SSUH2: variants seen among roughly 807,000 people sequenced by gnomAD.
The protein encoded by SSUH2 is protein SSUH2 homolog.
A neutral mutation model predicts 55.3 loss-of-function variants in SSUH2; 47 were observed. The ratio of observed to expected loss-of-function variants is 0.85; its 90% CI spans 0.67 to 1.08. SSUH2 has a LOEUF of 1.08. Among genes scored for constraint, SSUH2 ranks in the 50% least tolerant of loss-of-function variants. The probability of loss-of-function intolerance (pLI) is 0.00; values close to 1 mark genes in which losing one functional copy is unlikely to be tolerated. For synonymous variants in SSUH2, 212 were observed against 191.5 expected (o/e 1.11, Z -0.89); for missense variants, 535 against 490.7 (o/e 1.09, Z -0.85).
At chr3:8,628,598 T>C (rs1459551742) in intron 7 of SSUH2, among the ~76,000 whole-genome samples, 1 of 152,198 alleles carries the variant, frequency 6.6e-6, no homozygotes, top group East Asian at 1.9e-4. Context: ...TCCGATGACG[T>C]GTTCTTATTA....
At chr3:8,679,122 AATTGC>A in intron 2 of SSUH2, among the ~76,000 whole-genome samples, 1 of 88,470 alleles carries the variant, frequency 1.1e-5, no homozygotes, top group African/African-American at 3.9e-5. Flanking sequence ...TTAGGACCCA[AATTGC>A]GGGGGGGAGG....
intron 5 of SSUH2, among the ~76,000 whole-genome samples, chr3:8,669,657 T>C (rs1179468371): frequency 6.6e-6 from 1 of 152,188 alleles, no homozygotes; most frequent in East Asian, 1.9e-4. Context: ...GATGTGCCAA[T>C]AGCACATACC....
Position 8,623,455 on chromosome 3 carries a change from G to A in SSUH2, c.981+94C>T, listed in dbSNP as rs567222620. The stretch of plus-strand genomic sequence containing the variant: ...CCCCCGGGACCTCCCTCACCTCTAC[G>A]TCCTCATCCTTCCGCTCCGACGTTC... On this transcript the variant is annotated intron_variant, in intron 11 of 11. Transcript: ENST00000544814. 3.2e-4 allele frequency: 263 copies of A among 816,230 alleles called. 3 individuals are homozygous for A. In the East Asian group the frequency reaches 6.4e-3, roughly 20 times the overall value. The allele number at this position is 816,230 out of a possible 1,614,324, so 50.6% of individuals were successfully genotyped here. A position where few individuals can be genotyped will look rare whatever the true frequency, so the allele number is the denominator to read the frequency against.
chr3:8,662,267 T>C (rs749542335), intron 6 of SSUH2, among the ~76,000 whole-genome samples: 7 of 152,164 alleles, frequency 4.6e-5, no homozygotes, highest in Admixed American at 1.3e-4. Flanking sequence ...CCATGGGGAA[T>C]TGTCCTCTAA....
chr3:8,637,096 AG>A (rs2125221113), intron 1 of SSUH2, among the ~76,000 whole-genome samples: 1 of 152,300 alleles, frequency 6.6e-6, no homozygotes, highest in South Asian at 2.1e-4. Context: ...GTCTTTTCCT[AG>A]GCTAGCAATA....
intron 9 of SSUH2, among the ~76,000 whole-genome samples, chr3:8,626,001 AG>A (rs779063720): frequency 2.8e-4 from 43 of 152,310 alleles, no homozygotes; most frequent in South Asian, 2.3e-3. Context: ...CTGCTGCCCT[AG>A]AAAGTGGTGA....
Position 8,654,957 on chromosome 3 carries a change from C to CG in SSUH2, c.-307+3967_-307+3968insC, listed in dbSNP as rs1391434473. Among the ~76,000 whole-genome samples, 54 of 62,554 alleles carry CG rather than the reference C, an allele frequency of 8.6e-4. 1 individual carries two copies. Among genetic ancestry groups the CG allele is most frequent in the South Asian group, 6.2e-3 (7 of 1,122 alleles). 41.0% of individuals were successfully genotyped at this position (62,554 alleles called of 152,430 possible). ...GATCACAGTGGGTGGCCTCATCCCCCAGTCTCAGTGTGTGGCCTCCCCAAG... is the reference window on the plus strand; with the variant it reads ...GATCACAGTGGGTGGCCTCATCCCCCGAGTCTCAGTGTGTGGCCTCCCCAAG... On this transcript the variant is annotated intron_variant, in intron 7 of 18. Coordinates refer to the SSUH2 transcript ENST00000317371.
intron 8 of SSUH2, 73 bp from the exon 9 acceptor site, chr3:8,626,394 AC>A (rs1398867269): frequency 4.6e-6 from 5 of 1,096,672 alleles, no homozygotes; most frequent in Admixed American, 1.7e-5. Context: ...TCCCACCTGC[AC>A]CCCCTTCCTC....
intron 5 of SSUH2, among the ~76,000 whole-genome samples, chr3:8,665,271 G>T (rs1163182478): frequency 6.6e-6 from 1 of 152,170 alleles, no homozygotes; most frequent in Non-Finnish European, 1.5e-5. Context: ...AAGAAAACAG[G>T]GTAGAAGGGG....
rs573507991 is a variant in SSUH2 at position 8,628,902 on chromosome 3, C to T, written c.588+762G>A. ...ATGGAGTCTTGCTCTGTCGCCCAGGCGGGAGTGCAGTGGCACGTTCTCCGC... is the reference window on the plus strand; with the variant it reads ...ATGGAGTCTTGCTCTGTCGCCCAGGTGGGAGTGCAGTGGCACGTTCTCCGC... On this transcript the variant is annotated intron_variant, in intron 7 of 11. Coordinates refer to ENST00000544814, the MANE Select transcript of SSUH2 (RefSeq NM_001256748.3). 1.8e-4 allele frequency among the ~76,000 whole-genome samples: 28 copies of T among 152,334 alleles called. 1 individual carries two copies. Among genetic ancestry groups the T allele is most frequent in the African/African-American group, 6.7e-4 (28 of 41,570 alleles).
intron 7 of SSUH2, 39 bp downstream of exon 7, chr3:8,629,625 C>T (rs771297200): frequency 3.3e-5 from 21 of 641,508 alleles, no homozygotes; most frequent in Non-Finnish European, 5.0e-5. Context: ...CCGGCCACCA[C>T]ACCCTCACTG....
At chr3:8,664,452 C>T (rs559435160) in intron 5 of SSUH2, among the ~76,000 whole-genome samples, 5 of 152,292 alleles carry the variant, frequency 3.3e-5, no homozygotes, top group African/African-American at 1.2e-4. Context: ...TATCCATCTG[C>T]TCTTTCAACA....
At position 8,626,326 on chromosome 3, in the gene SSUH2, G is replaced by C; in HGVS notation, c.675-5C>G. On this transcript the variant is annotated splice_region_variant and splice_polypyrimidine_tract_variant and intron_variant, in intron 8 of 11. Coordinates refer to ENST00000544814, the MANE Select transcript of SSUH2 (RefSeq NM_001256748.3). ...CTCCCTGAGCAAGTGCTGCATCTGA[G>C]AAAGGCACAGAGTCCGTACCCCCAG... 1 of 1,613,222 alleles carries C rather than the reference G, an allele frequency of 6.2e-7. No individual in the cohort carries two copies. Among genetic ancestry groups the C allele is most frequent in the Non-Finnish European group, 8.5e-7 (1 of 1,179,218 alleles).
chr3:8,681,451 C>A (rs1365367416), intron 1 of SSUH2, among the ~76,000 whole-genome samples: 3 of 150,186 alleles, frequency 2.0e-5, no homozygotes, highest in Non-Finnish European at 4.5e-5. Context: ...CCTCTTCCCC[C>A]ACTGGCTCTT....
chr3:8,677,632 C>G (rs1471752708), intron 2 of SSUH2, among the ~76,000 whole-genome samples: 1 of 150,878 alleles, frequency 6.6e-6, no homozygotes, highest in East Asian at 2.1e-4. Context: ...TTAACCCAAA[C>G]TGTGGGGCCC....
chr3:8,652,369 A>G (rs1344300615), intron 7 of SSUH2, among the ~76,000 whole-genome samples: 1 of 152,166 alleles, frequency 6.6e-6, no homozygotes, highest in South Asian at 2.1e-4. Flanking sequence ...ATTTTTCCCA[A>G]TCAGACATCC....
intron 7 of SSUH2, among the ~76,000 whole-genome samples, chr3:8,654,781 A>C (rs188205249): frequency 5.3e-5 from 8 of 150,702 alleles, no homozygotes; most frequent in African/African-American, 2.0e-4. Flanking sequence ...CTTCTCCCGG[A>C]GATCTCAGTG....
rs112753016 is a variant in SSUH2, at chr3:8,655,951, A to G, written c.-307+2974T>C. Among the ~76,000 whole-genome samples the G allele has an allele frequency of 5.5e-3, 832 of 152,366 alleles. 6 individuals carry two copies. The highest frequency in any genetic ancestry group is 0.019 in the African/African-American group (788 of 41,588). On this transcript the variant is annotated intron_variant, in intron 7 of 18. Transcript: ENST00000317371. ...CTTCTCCTCCTACCACTGTGGAATA[A>G]GGGAAATTGAATTTCAAAAGAATAT...
chr3:8,629,806 A>C, intron 6 of SSUH2, 80 bp from the exon 7 acceptor site: 1 of 1,361,212 alleles, frequency 7.3e-7, no homozygotes, highest in Non-Finnish European at 1.1e-6. Flanking sequence ...ATCTAAACCG[A>C]AGGTGGAGTG....
Sources: allele counts gnomAD v4.1 joint callset (sites outside exome capture counted in the v4.1 genomes callset), GRCh38; gene constraint gnomAD v4.1.1; transcripts MANE v1.5; gene names NCBI Gene and HGNC (gene_info 2026-07-23, HGNC 2026-07-21).